The following CACNA2D1 variants were observed in gnomAD, a reference collection of about 807,000 sequenced individuals.
The protein encoded by CACNA2D1 is calcium voltage-gated channel auxiliary subunit alpha2delta 1.
Under a neutral mutation model 171.5 loss-of-function variants are expected in CACNA2D1, and 53 were observed. That is an observed-to-expected ratio of 0.31 (90% confidence interval 0.25 to 0.39). CACNA2D1 has a LOEUF of 0.39. Ranked by LOEUF, CACNA2D1 falls within the 10% of genes least tolerant of loss-of-function variation. CACNA2D1 has a pLI of 1.00. For missense variants in CACNA2D1, 903 were observed against 1,299.8 expected (o/e 0.69, Z 4.69); for synonymous variants, 442 against 443.1 (o/e 1.00, Z 0.03).
At chr7:82,176,419 G>C (rs1469313260) in intron 3 of CACNA2D1, among the ~76,000 whole-genome samples, 9 of 151,958 alleles carry the variant, frequency 5.9e-5, no homozygotes, top group Middle Eastern at 6.8e-3. Flanking sequence ...TAGTGAACAA[G>C]GATTTTACTA....
At chr7:82,223,542 T>C (rs1275406623) in intron 3 of CACNA2D1, among the ~76,000 whole-genome samples, 1 of 152,216 alleles carries the variant, frequency 6.6e-6, no homozygotes, top group Non-Finnish European at 1.5e-5. Flanking sequence ...GCACTTTAGA[T>C]GCAATGACAT....
chr7:82,379,575 A>G (rs1300335999), intron 1 of CACNA2D1, among the ~76,000 whole-genome samples: 1 of 152,172 alleles, frequency 6.6e-6, no homozygotes, highest in African/African-American at 2.4e-5. Flanking sequence ...GTGTGTCTAT[A>G]CTTGTTGTCC....
At chr7:82,372,513 T>C (rs1822523587) in intron 1 of CACNA2D1, among the ~76,000 whole-genome samples, 1 of 142,682 alleles carries the variant, frequency 7.0e-6, no homozygotes, top group African/African-American at 2.5e-5. Flanking sequence ...CGTTCTCTAA[T>C]AAGTCACTTA....
At chr7:81,988,386 T>C (rs2299158) in intron 21 of CACNA2D1, among the ~76,000 whole-genome samples, 29,505 of 152,026 alleles carry the variant, frequency 0.19, 3,278 homozygotes, top group African/African-American at 0.3. Flanking sequence ...AATCAGTTGA[T>C]AGAAAAAAGT....
chr7:82,398,092 A>C (rs1422108156), intron 1 of CACNA2D1, among the ~76,000 whole-genome samples: 2 of 152,210 alleles, frequency 1.3e-5, no homozygotes, highest in East Asian at 3.8e-4. Context: ...CTAAAGATGA[A>C]GTCACTCCTT....
intron 16 of CACNA2D1, 108 bp from the exon 17 acceptor site, chr7:82,005,947 G>C: frequency 1.3e-6 from 1 of 751,178 alleles, no homozygotes; most frequent in South Asian, 1.4e-5. Context: ...TTCCACATTA[G>C]TTTAAATGTA....
intron 3 of CACNA2D1, among the ~76,000 whole-genome samples, chr7:82,266,376 G>A (rs891044078): frequency 9.2e-5 from 14 of 152,124 alleles, no homozygotes; most frequent in Middle Eastern, 3.2e-3. Flanking sequence ...AGTTAGTTTA[G>A]CAGAAAATTT....
intron 1 of CACNA2D1, among the ~76,000 whole-genome samples, chr7:82,401,651 A>G (rs1021927293): frequency 6.6e-6 from 1 of 152,058 alleles, no homozygotes; most frequent in African/African-American, 2.4e-5. Context: ...GCACATGTAT[A>G]CATATGTAAC....
At chr7:82,352,394 T>C (rs894249983) in intron 1 of CACNA2D1, among the ~76,000 whole-genome samples, 1 of 152,190 alleles carries the variant, frequency 6.6e-6, no homozygotes, top group African/African-American at 2.4e-5. Context: ...CAAGCACAAA[T>C]ATGTAATCGC....
intron 3 of CACNA2D1, among the ~76,000 whole-genome samples, chr7:82,233,264 C>A (rs1239438435): frequency 6.6e-6 from 1 of 152,186 alleles, no homozygotes; most frequent in Non-Finnish European, 1.5e-5. Flanking sequence ...AACATTTCTA[C>A]AATGTTCCAC....
At chr7:82,370,572 T>TGGAC (rs1554528686) in intron 1 of CACNA2D1, among the ~76,000 whole-genome samples, 11 of 151,056 alleles carry the variant, frequency 7.3e-5, no homozygotes, top group Non-Finnish European at 1.3e-4. Flanking sequence ...GATGGATGGA[T>TGGAC]GGATGGATAG....
intron 1 of CACNA2D1, among the ~76,000 whole-genome samples, chr7:82,351,222 T>C (rs1208238586): frequency 6.6e-6 from 1 of 151,864 alleles, no homozygotes; most frequent in Non-Finnish European, 1.5e-5. Context: ...TTCTCTTCCT[T>C]AGGGAAGAAT....
intron 3 of CACNA2D1, among the ~76,000 whole-genome samples, chr7:82,223,340 T>G (rs1476984051): frequency 6.6e-6 from 1 of 152,212 alleles, no homozygotes; most frequent in Non-Finnish European, 1.5e-5. Context: ...TTTCCATTCT[T>G]CTCAATCTGC....
chr7:82,087,508 G>A (rs1810617230), intron 6 of CACNA2D1, among the ~76,000 whole-genome samples: 1 of 149,838 alleles, frequency 6.7e-6, no homozygotes, highest in African/African-American at 2.5e-5. Flanking sequence ...TAGAAAGTAG[G>A]ATAAAACTGC....
At chr7:82,026,303 AATTT>A (rs1216159549) in intron 12 of CACNA2D1, among the ~76,000 whole-genome samples, 5 of 151,426 alleles carry the variant, frequency 3.3e-5, no homozygotes, top group African/African-American at 1.2e-4. Context: ...GATAAGACAA[AATTT>A]ATTAATGTCA....
At chr7:82,410,923 A>C (rs1384317916) in intron 1 of CACNA2D1, among the ~76,000 whole-genome samples, 1 of 152,218 alleles carries the variant, frequency 6.6e-6, no homozygotes, top group Non-Finnish European at 1.5e-5. Context: ...TCTCTCTCAT[A>C]GGATTACATT....
chr7:82,026,564 G>A (rs546424928), intron 12 of CACNA2D1, among the ~76,000 whole-genome samples: 5 of 151,632 alleles, frequency 3.3e-5, no homozygotes, highest in South Asian at 2.1e-4. Flanking sequence ...GTTGATAAAC[G>A]TATTATGTAA....
intron 28 of CACNA2D1, among the ~76,000 whole-genome samples, chr7:81,969,306 T>C (rs1795030832): frequency 6.6e-6 from 1 of 151,430 alleles, no homozygotes; most frequent in Non-Finnish European, 1.5e-5. Context: ...GAAAGATTGA[T>C]CCTGGATGCA....
intron 24 of CACNA2D1, among the ~76,000 whole-genome samples, chr7:81,977,514 G>T (rs952795998): frequency 2.0e-5 from 3 of 152,068 alleles, no homozygotes; most frequent in African/African-American, 7.2e-5. Flanking sequence ...TTAATAAATG[G>T]TGTTGGGAAA....
Sources: gnomAD v4.1 joint callset for allele counts (sites outside exome capture counted in the v4.1 genomes callset) on GRCh38, gnomAD v4.1.1 for gene constraint, MANE v1.5 for transcripts, NCBI Gene and HGNC (gene_info 2026-07-23, HGNC 2026-07-21) for gene names.